Variants in KATNIP observed in about 807,000 individuals in gnomAD.
KATNIP encodes the protein katanin interacting protein.
In KATNIP, 126 loss-of-function variants were observed where a neutral mutation model predicts 174.0. The ratio of observed to expected loss-of-function variants is 0.72; its 90% CI spans 0.63 to 0.84. The LOEUF is 0.84. Among genes scored for constraint, KATNIP ranks in the 40% least tolerant of loss-of-function variants. The pLI is 0.00. For missense variants in KATNIP, 1,958 were observed against 2,109.7 expected (o/e 0.93, Z 1.41); for synonymous variants, 810 against 835.7 (o/e 0.97, Z 0.53).
At chr16:27,689,895 G>GTCT (rs2078654964) in intron 8 of KATNIP, among the ~76,000 whole-genome samples, 1 of 152,040 alleles carries the variant, frequency 6.6e-6, no homozygotes, top group Non-Finnish European at 1.5e-5. Flanking sequence ...GCCCCATAGA[G>GTCT]TCTTATTCTC....
chr16:27,586,087 G>T (rs1038514877), intron 2 of KATNIP, among the ~76,000 whole-genome samples: 1 of 151,858 alleles, frequency 6.6e-6, no homozygotes, highest in Non-Finnish European at 1.5e-5. Context: ...GCGATAAGAG[G>T]GAGACTCTGT....
In KATNIP at chr16:27,579,221, C is replaced by T. The variant is rs140558652; in HGVS notation, c.63+5265C>T. ...GGCACTGTGGGGCTCATGAGCATGG[C>T]GCTGGGGACATGTCCCCTTACTGCT... On this transcript the variant is annotated intron_variant, in intron 2 of 27. Coordinates refer to ENST00000261588, the MANE Select transcript of KATNIP (RefSeq NM_015202.5). Among the ~76,000 whole-genome samples, 112 of 152,318 alleles carry T rather than the reference C, an allele frequency of 7.4e-4. 1 individual carries two copies. In the East Asian group the frequency reaches 0.021, roughly 28 times the overall value.
At chr16:27,648,849 G>T (rs374152377) in intron 6 of KATNIP, 114 bp downstream of exon 6, 3 of 1,198,402 alleles carry the variant, frequency 2.5e-6, no homozygotes, top group African/African-American at 1.5e-5. Context: ...TTCACTCGCC[G>T]CTGTGTTCCT....
Position 27,777,865 on chromosome 16 carries a change from T to C in KATNIP, c.4713-16T>C. ...CAGGAGCCTGATCGAATCTTGTGTT[T>C]CCTTCCTACCCTCAGTAATCAGGCC... On this transcript the variant is annotated splice_polypyrimidine_tract_variant and intron_variant, in intron 26 of 27. Coordinates refer to ENST00000261588, the MANE Select transcript of KATNIP (RefSeq NM_015202.5). The surrounding 1 kb of genome is among the most constrained non-coding windows in gnomAD (Gnocchi z 4.4). The C allele has an allele frequency of 6.2e-7, 1 of 1,613,922 alleles. No individual in the cohort carries two copies. Among genetic ancestry groups the C allele is most frequent in the East Asian group, 2.2e-5 (1 of 44,878 alleles).
rs1451573275 is a variant in KATNIP, at chr16:27,677,813, G to T, written c.625G>T (p.Glu209Ter). ...CSSDEYDSIE[E>*]DILSEPEPED... ...CAGCGATGAGTATGACTCTATTGAGGAAGACATACTCTCTGAGCCTGAGCC... is the reference window on the plus strand; with the variant it reads ...CAGCGATGAGTATGACTCTATTGAGTAAGACATACTCTCTGAGCCTGAGCC... The change falls in exon 7 of 28, where the codon GAA becomes TAA. Residue 209 changes from glutamate to a stop codon, truncating the protein, a stop_gained. Coordinates refer to ENST00000261588, the MANE Select transcript of KATNIP (RefSeq NM_015202.5). LOFTEE classifies it high-confidence loss of function. The T allele has an allele frequency of 6.2e-7, 1 of 1,614,116 alleles. No homozygotes were observed. The highest frequency in any genetic ancestry group is 1.1e-5 in the South Asian group (1 of 91,078).
chr16:27,726,459 A>G (rs980360846), intron 14 of KATNIP, among the ~76,000 whole-genome samples: 1 of 152,202 alleles, frequency 6.6e-6, no homozygotes, highest in African/African-American at 2.4e-5. Flanking sequence ...CACTGACTGC[A>G]CTTTACATTG....
chr16:27,573,821 G>A (rs1313153182), intron 1 of KATNIP, 80 bp from the exon 2 acceptor site: 2 of 1,300,026 alleles, frequency 1.5e-6, no homozygotes, highest in Non-Finnish European at 2.2e-6. Flanking sequence ...TATTCAGTTT[G>A]CAAATAAAAA....
chr16:27,673,527 G>A (rs935029517), intron 6 of KATNIP, among the ~76,000 whole-genome samples: 2 of 152,186 alleles, frequency 1.3e-5, no homozygotes, highest in South Asian at 2.1e-4. Flanking sequence ...TGGTGAACCC[G>A]CACTTGCTTT....
At chr16:27,766,274 G>GCC in intron 19 of KATNIP, 35 bp from the exon 20 acceptor site, 1 of 1,607,962 alleles carries the variant, frequency 6.2e-7, no homozygotes, top group Non-Finnish European at 8.5e-7. Context: ...TGCCCACTGA[G>GCC]CCGCCCCCCT....
intron 16 of KATNIP, 35 bp downstream of exon 16, chr16:27,750,341 C>G: frequency 6.4e-7 from 1 of 1,569,702 alleles, no homozygotes; most frequent in Non-Finnish European, 8.6e-7. Context: ...CTCAGAGCCC[C>G]TATCTGTGAC....
intron 12 of KATNIP, among the ~76,000 whole-genome samples, chr16:27,706,232 C>T (rs1443010861): frequency 1.3e-5 from 2 of 152,162 alleles, no homozygotes; most frequent in East Asian, 3.9e-4. Flanking sequence ...CCTTGCACCC[C>T]TGTATCATCA....
chr16:27,714,710 C>G (rs537329277), intron 13 of KATNIP, among the ~76,000 whole-genome samples: 2 of 152,192 alleles, frequency 1.3e-5, no homozygotes, highest in East Asian at 3.9e-4. Context: ...TTTACAGTAG[C>G]ATCAAAAGAA....
intron 6 of KATNIP, among the ~76,000 whole-genome samples, chr16:27,667,494 T>A (rs1308129610): frequency 6.6e-6 from 1 of 152,130 alleles, no homozygotes; most frequent in African/African-American, 2.4e-5. Flanking sequence ...ACTAGCAATA[T>A]ATGCCAGACT....
intron 2 of KATNIP, among the ~76,000 whole-genome samples, chr16:27,609,373 TAA>T (rs1010250360): frequency 7.4e-5 from 11 of 148,300 alleles, no homozygotes; most frequent in East Asian, 2.0e-4. Flanking sequence ...ATATCTGAGT[TAA>T]GTCTTTTTTT....
At chr16:27,750,576 C>T (rs890171441) in intron 16 of KATNIP, among the ~76,000 whole-genome samples, 1 of 150,966 alleles carries the variant, frequency 6.6e-6, no homozygotes, top group South Asian at 2.1e-4. Flanking sequence ...CCCGCCAACA[C>T]GCCCGGCTAA....
Position 27,729,595 on chromosome 16 carries a change from T to TA in KATNIP, c.1743+7900_1743+7901insA, listed in dbSNP as rs1158936804. Among the ~76,000 whole-genome samples the TA allele has an allele frequency of 4.6e-5, 7 of 152,316 alleles. 1 individual carries two copies. The South Asian group carries it at 1.4e-3, about 32-fold the overall frequency. Reference sequence around the variant, plus strand: ...TTCATCAGCTTCCAAACTTAAACCTTCCTTGACACTTAACCACATATCAAA... The same window carrying TA: ...TTCATCAGCTTCCAAACTTAAACCTTACCTTGACACTTAACCACATATCAAA... On this transcript the variant is annotated intron_variant, in intron 14 of 27. Transcript: ENST00000261588.
At chr16:27,591,005 ACTT>A (rs2075143805) in intron 2 of KATNIP, among the ~76,000 whole-genome samples, 3 of 152,064 alleles carry the variant, frequency 2.0e-5, no homozygotes. Context: ...TGATATACGG[ACTT>A]GCTCTTGGTT....
At position 27,571,996 on chromosome 16, in the gene KATNIP, G is replaced by T. The variant is rs547312493; in HGVS notation, c.8-1905G>T. Among the ~76,000 whole-genome samples the T allele has an allele frequency of 2.6e-5, 4 of 152,216 alleles. No individual in the cohort carries two copies. In the East Asian group the frequency reaches 7.7e-4, roughly 29 times the overall value. On this transcript the variant is annotated intron_variant, in intron 1 of 27. Transcript: ENST00000261588. ...ATCCCTAAATCCTGGGGGTGTGTGT[G>T]TGTGTGTGTATGTGTGTGTGTGTTT...
chr16:27,664,309 T>A (rs1159933787), intron 6 of KATNIP, among the ~76,000 whole-genome samples: 1 of 152,254 alleles, frequency 6.6e-6, no homozygotes, highest in Non-Finnish European at 1.5e-5. Flanking sequence ...GCCTACCAGA[T>A]GATTTTTATG....
Sources: gnomAD v4.1 joint callset for allele counts (sites outside exome capture counted in the v4.1 genomes callset) on GRCh38, gnomAD v4.1.1 for gene constraint, Gnocchi (gnomAD v3.1) non-coding constraint, MANE v1.5 for transcripts, NCBI Gene and HGNC (gene_info 2026-07-23, HGNC 2026-07-21) for gene names.